The following SORBS2 variants were observed in gnomAD, a reference collection of about 807,000 sequenced individuals.
The protein encoded by SORBS2 is sorbin and SH3 domain-containing protein 2.
In SORBS2, 46 loss-of-function variants were observed where a neutral mutation model predicts 97.7. The observed-to-expected ratio is 0.47, with a 90% CI of 0.37 to 0.60. The LOEUF is 0.60. Among genes scored for constraint, SORBS2 ranks in the 20% least tolerant of loss-of-function variants. SORBS2 has a pLI of 0.00. For missense variants in SORBS2, 1,316 were observed against 1,282.3 expected (o/e 1.03, Z -0.40); for synonymous variants, 476 against 473.4 (o/e 1.01, Z -0.07).
Position 185,752,566 on chromosome 4 carries a change from G to A in SORBS2, c.-198+22661C>T, listed in dbSNP as rs1252042223. Among the ~76,000 whole-genome samples, 9 of 152,086 alleles carry A rather than the reference G, an allele frequency of 5.9e-5. No individual in the cohort carries two copies. In the South Asian group the frequency reaches 6.2e-4, roughly 11 times the overall value. ...GCTGGGATTACAGGCGTGAGCCACC[G>A]TGCCCAGCCCTGCAGCAGACTTTTA... On this transcript the variant is annotated intron_variant, in intron 2 of 20. Transcript: ENST00000284776.
At chr4:185,827,874 C>T (rs577917065) in intron 1 of SORBS2, among the ~76,000 whole-genome samples, 76 of 148,108 alleles carry the variant, frequency 5.1e-4, no homozygotes, top group Middle Eastern at 3.7e-3. Flanking sequence ...TCATCATCAT[C>T]GTCACCATCA....
chr4:185,589,804 A>G lies in SORBS2; in HGVS notation c.2847-19T>C, dbSNP rs1470096785. 1 of 1,381,034 alleles carries G rather than the reference A, an allele frequency of 7.2e-7. No homozygotes were observed. The highest frequency in any genetic ancestry group is 1.0e-6 in the Non-Finnish European group (1 of 968,788). 85.5% of individuals were successfully genotyped at this position (1,381,034 alleles called of 1,614,324 possible). A position where few individuals can be genotyped will look rare whatever the true frequency, so the allele number is the denominator to read the frequency against. ...CTGAAACCTTAAACAGGACAAGGGA[A>G]TGTGTTTAAAAACATCTTGACACCT... On this transcript the variant is annotated intron_variant, in intron 13 of 14. Transcript: ENST00000418609.
At chr4:185,587,608 CAGA>C (rs1448999845) in exon 15 of SORBS2, 29 of 1,611,458 alleles carry the variant, frequency 1.8e-5, no homozygotes, top group Non-Finnish European at 2.3e-5. Flanking sequence ...GCGGCCTCTA[CAGA>C]AGGAGGGAGC....
At chr4:185,653,611 T>C in intron 1 of SORBS2, among the ~76,000 whole-genome samples, 1 of 152,140 alleles carries the variant, frequency 6.6e-6, no homozygotes, top group East Asian at 1.9e-4. Flanking sequence ...AATGAGACAA[T>C]GTATACACAA....
chr4:185,786,964 T>G (rs1486235568), intron 1 of SORBS2, among the ~76,000 whole-genome samples: 2 of 138,434 alleles, frequency 1.4e-5, no homozygotes, highest in African/African-American at 5.6e-5. Context: ...TTTTTTTTTT[T>G]TTTGAGGCTC....
chr4:185,622,173 T>C (rs1176344842), intron 7 of SORBS2, among the ~76,000 whole-genome samples: 1 of 152,252 alleles, frequency 6.6e-6, no homozygotes, highest in Admixed American at 6.5e-5. Context: ...CACTTCAAAG[T>C]TATCTATGAA....
intron 2 of SORBS2, among the ~76,000 whole-genome samples, chr4:185,699,569 G>C (rs547137915): frequency 1.3e-5 from 2 of 152,266 alleles, no homozygotes; most frequent in East Asian, 3.9e-4. Flanking sequence ...TTATGGGTGT[G>C]AGCCTCCATG....
chr4:185,889,891 TC>T (rs2099241602), intron 1 of SORBS2, among the ~76,000 whole-genome samples: 1 of 152,130 alleles, frequency 6.6e-6, no homozygotes, highest in Non-Finnish European at 1.5e-5. Context: ...TAATTTTTTT[TC>T]TTTTTTTTCT....
chr4:185,705,350 A>G (rs1471932802), intron 2 of SORBS2, among the ~76,000 whole-genome samples: 2 of 152,154 alleles, frequency 1.3e-5, no homozygotes, highest in Non-Finnish European at 2.9e-5. Context: ...GATCAAGACC[A>G]TCCTGGCCAA....
chr4:185,712,093 C>T (rs2153547753), intron 2 of SORBS2, among the ~76,000 whole-genome samples: 1 of 152,324 alleles, frequency 6.6e-6, no homozygotes, highest in Non-Finnish European at 1.5e-5. Flanking sequence ...CACCCTCAAG[C>T]TGAAAAGCCT....
rs2098994668 is a variant in SORBS2, at chr4:185,775,381, G to C, written c.-337-15C>G. The C allele has an allele frequency of 6.6e-6, 1 of 152,616 alleles. No homozygotes were observed. Among genetic ancestry groups the C allele is most frequent in the South Asian group, 2.1e-4 (1 of 4,824 alleles). 9.5% of individuals were successfully genotyped at this position (152,616 alleles called of 1,614,324 possible). A position where few individuals can be genotyped will look rare whatever the true frequency, so the allele number is the denominator to read the frequency against. ...AATCCAAGTGTCTGAAGGAAAAAAA[G>C]CAAGAGAGAGGCAAATGAGAGAGGG... On this transcript the variant is annotated splice_polypyrimidine_tract_variant and intron_variant, in intron 1 of 20. Coordinates refer to the SORBS2 transcript ENST00000284776.
chr4:185,851,382 G>A (rs2099217803), intron 1 of SORBS2, among the ~76,000 whole-genome samples: 1 of 152,050 alleles, frequency 6.6e-6, no homozygotes, highest in Non-Finnish European at 1.5e-5. Context: ...TTCCTTTAAG[G>A]AAATATAATA....
chr4:185,867,910 C>A (rs965015316), intron 1 of SORBS2, among the ~76,000 whole-genome samples: 1 of 152,110 alleles, frequency 6.6e-6, no homozygotes, highest in Non-Finnish European at 1.5e-5. Context: ...GTCCCACCAA[C>A]TATTCATAGC....
intron 6 of SORBS2, 61 bp from the exon 19 acceptor site, chr4:185,624,555 A>G (rs2096777666): frequency 2.0e-6 from 3 of 1,505,986 alleles, no homozygotes; most frequent in Admixed American, 4.2e-5. Flanking sequence ...AGGTTCACAA[A>G]GAGAGGAGAG....
At chr4:185,696,787 G>A (rs73873303) in intron 2 of SORBS2, among the ~76,000 whole-genome samples, 1 of 152,104 alleles carries the variant, frequency 6.6e-6, no homozygotes, top group Non-Finnish European at 1.5e-5. Flanking sequence ...TAATCTTAGG[G>A]ATCATTACGG....
At chr4:185,919,944 T>C (rs765778646) in intron 1 of SORBS2, among the ~76,000 whole-genome samples, 1 of 152,250 alleles carries the variant, frequency 6.6e-6, no homozygotes, top group Non-Finnish European at 1.5e-5. Context: ...TGAACTATCA[T>C]ACAAAACAAT....
intron 5 of SORBS2, among the ~76,000 whole-genome samples, chr4:185,630,264 T>C (rs1366294870): frequency 6.6e-6 from 1 of 152,174 alleles, no homozygotes; most frequent in Non-Finnish European, 1.5e-5. Flanking sequence ...TAGTTACTTA[T>C]AATTCCCATC....
At chr4:185,590,143 AAAT>A (rs1226495859) in intron 13 of SORBS2, among the ~76,000 whole-genome samples, 1 of 152,258 alleles carries the variant, frequency 6.6e-6, no homozygotes, top group East Asian at 1.9e-4. Flanking sequence ...TTTAGACATT[AAAT>A]AATAGTACAA....
At chr4:185,846,333 A>G (rs2099214519) in intron 1 of SORBS2, among the ~76,000 whole-genome samples, 1 of 152,224 alleles carries the variant, frequency 6.6e-6, no homozygotes, top group South Asian at 2.1e-4. Context: ...CTAATAATAC[A>G]TTCTGGAAAA....
Sources: gnomAD v4.1 joint callset for allele counts (sites outside exome capture counted in the v4.1 genomes callset) on GRCh38, gnomAD v4.1.1 for gene constraint, MANE v1.5 for transcripts, NCBI Gene and HGNC (gene_info 2026-07-23, HGNC 2026-07-21) for gene names.